The following GLB1 variants were observed in gnomAD, a reference collection of about 807,000 sequenced individuals.
The protein encoded by GLB1 is beta-galactosidase.
GLB1 carries 56 observed loss-of-function variants against 74.0 expected under a neutral mutation model. The ratio of observed to expected loss-of-function variants is 0.76; its 90% CI spans 0.61 to 0.94. The LOEUF is 0.94. Ranked by LOEUF, GLB1 falls within the 40% of genes least tolerant of loss-of-function variation. The probability of loss-of-function intolerance (pLI) is 0.00; values close to 1 mark genes in which losing one functional copy is unlikely to be tolerated. For synonymous variants in GLB1, 323 were observed against 323.6 expected, an observed-to-expected ratio of 1.00 and a Z score of 0.02; for missense variants, 787 against 845.5, an observed-to-expected ratio of 0.93 and a Z score of 0.86.
At chr3:33,034,199 C>T in intron 10 of GLB1, 2 of 637,284 alleles carry the variant, frequency 3.1e-6, no homozygotes, top group Non-Finnish European at 5.8e-6. Context: ...ATGCTAGGTC[C>T]CCCATGACTA....
chr3:32,971,398 G>A, the GLB1 span, among the ~76,000 whole-genome samples: 5 of 152,226 alleles, frequency 3.3e-5, no homozygotes, highest in Non-Finnish European at 1.5e-5. Flanking sequence ...TAATCAGCCA[G>A]TGCCCGAGCT....
intron 1 of GLB1, chr3:33,090,342 A>C: frequency 1.1e-6 from 1 of 952,130 alleles, no homozygotes; most frequent in Non-Finnish European, 1.3e-6. Flanking sequence ...ATGCTTGTTA[A>C]AGCTGGGAGA....
chr3:33,056,653 C>T (rs1263182070), intron 6 of GLB1, among the ~76,000 whole-genome samples: 1 of 151,968 alleles, frequency 6.6e-6, no homozygotes, highest in African/African-American at 2.4e-5. Context: ...TCTCCTATTC[C>T]CTTCACCTAG....
intron 9 of GLB1, among the ~76,000 whole-genome samples, chr3:33,046,818 T>G (rs999289355): frequency 8.5e-5 from 13 of 152,198 alleles, no homozygotes; most frequent in African/African-American, 3.1e-4. Context: ...AGACTGTCGA[T>G]GGGGCTGTGG....
At chr3:33,039,610 G>A (rs6800001) in intron 10 of GLB1, among the ~76,000 whole-genome samples, 47,295 of 152,030 alleles carry the variant, frequency 0.31, 8,444 homozygotes, top group Middle Eastern at 0.46. Context: ...CAATGGAAGC[G>A]CTTAGGAGAT....
At chr3:32,977,796 C>T in the GLB1 span, among the ~76,000 whole-genome samples, 1 of 152,186 alleles carries the variant, frequency 6.6e-6, no homozygotes, top group African/African-American at 2.4e-5. Flanking sequence ...TTGACAGCCT[C>T]TGCACTGACA....
chr3:33,034,767 C>G (rs537049591), intron 10 of GLB1: 1 of 654,236 alleles, frequency 1.5e-6, no homozygotes, highest in East Asian at 3.6e-5. Context: ...GGCCAGGGCT[C>G]TGTGTCAGCT....
At chr3:33,059,571 A>G (rs1163394969) in intron 5 of GLB1, among the ~76,000 whole-genome samples, 2 of 152,214 alleles carry the variant, frequency 1.3e-5, no homozygotes, top group Non-Finnish European at 2.9e-5. Flanking sequence ...ACCAAACTAT[A>G]AAGTCTGAGT....
At chr3:32,989,041 A>G in the GLB1 span, among the ~76,000 whole-genome samples, 4 of 152,218 alleles carry the variant, frequency 2.6e-5, no homozygotes, top group African/African-American at 9.6e-5. Flanking sequence ...CTGGTCCACT[A>G]CAAATAAACT....
rs565587558 is a variant in GLB1 at position 33,093,568 on chromosome 3, C to T, written c.75+3443G>A. The T allele has an allele frequency of 9.0e-5, 145 of 1,614,156 alleles. 2 individuals are homozygous for T. In the South Asian group the frequency reaches 1.5e-3, roughly 16 times the overall value. On this transcript the variant is annotated intron_variant, in intron 1 of 15. Coordinates refer to ENST00000307363, the MANE Select transcript of GLB1 (RefSeq NM_000404.4). This position sits in a 1 kb window ranked among gnomAD's most constrained non-coding sequence, Gnocchi z 6.0. ...CCCAAGTGAATGTCTGAGAGGAGCA[C>T]GATCTTGAGGTTGTTCATTGAGGCA...
chr3:33,065,270 G>A (rs1382060190), intron 5 of GLB1, among the ~76,000 whole-genome samples, 193 bp downstream of exon 5: 2 of 152,202 alleles, frequency 1.3e-5, no homozygotes, highest in African/African-American at 4.8e-5. Context: ...CCAGCACAAA[G>A]CCTGCCACAT....
Position 33,006,420 on chromosome 3 carries a change from C to G in GLB1, c.1734+7636G>C, listed in dbSNP as rs536778028. On this transcript the variant is annotated intron_variant, in intron 15 of 15. Coordinates refer to ENST00000307363, the MANE Select transcript of GLB1 (RefSeq NM_000404.4). ...AGTTTCATCCCAAAACCATTTCCAC[C>G]CCCCCACCCCTGACCACACAGTCCA... Among the ~76,000 whole-genome samples, 25 of 150,052 alleles carry G rather than the reference C, an allele frequency of 1.7e-4. No homozygotes were observed. The East Asian group carries it at 4.6e-3, about 28-fold the overall frequency.
chr3:33,041,101 G>T (rs1319661378), intron 10 of GLB1, among the ~76,000 whole-genome samples: 2 of 152,234 alleles, frequency 1.3e-5, no homozygotes, highest in East Asian at 1.9e-4. Flanking sequence ...AAGACATAAT[G>T]GCATAAACTT....
chr3:33,040,283 C>T (rs1575438459), intron 10 of GLB1, among the ~76,000 whole-genome samples: 2 of 152,110 alleles, frequency 1.3e-5, no homozygotes, highest in South Asian at 4.1e-4. Flanking sequence ...TAATTTAAGG[C>T]GTAATGTTCC....
the GLB1 span, among the ~76,000 whole-genome samples, chr3:32,969,091 C>T: frequency 1.1e-4 from 16 of 152,316 alleles, no homozygotes; most frequent in Non-Finnish European, 4.4e-5. Context: ...GACACATCGG[C>T]CCCTTGGAGA....
intron 15 of GLB1, among the ~76,000 whole-genome samples, chr3:33,007,700 T>C (rs1207294256): frequency 6.6e-6 from 1 of 152,222 alleles, no homozygotes; most frequent in Non-Finnish European, 1.5e-5. Flanking sequence ...TGAGTGGACA[T>C]ATGGATTAGA....
Position 33,093,956 on chromosome 3 carries a change from G to A in GLB1, c.75+3055C>T. ...CCACCACCTTCCAAAGCTGAAAACA[G>A]GTTGACTCTGCAGCTGGGGAGTGGC... On this transcript the variant is annotated intron_variant, in intron 1 of 15. Coordinates refer to ENST00000307363, the MANE Select transcript of GLB1 (RefSeq NM_000404.4). This position sits in a 1 kb window ranked among gnomAD's most constrained non-coding sequence, Gnocchi z 6.0. 1 of 1,614,198 alleles carries A rather than the reference G, an allele frequency of 6.2e-7. No individual in the cohort carries two copies. The highest frequency in any genetic ancestry group is 8.5e-7 in the Non-Finnish European group (1 of 1,180,030).
chr3:33,011,459 C>T (rs1422751493), intron 15 of GLB1, among the ~76,000 whole-genome samples: 3 of 141,882 alleles, frequency 2.1e-5, no homozygotes, highest in Admixed American at 7.0e-5. Flanking sequence ...AAAAAAAAAA[C>T]AAAAAATAAA....
At chr3:32,985,480 C>T in the GLB1 span, among the ~76,000 whole-genome samples, 5 of 151,794 alleles carry the variant, frequency 3.3e-5, no homozygotes, top group Non-Finnish European at 5.9e-5. Context: ...TTAGTAGAGA[C>T]AGGGTGTCAC....
Sources: gnomAD v4.1 joint callset for allele counts (sites outside exome capture counted in the v4.1 genomes callset) on GRCh38, gnomAD v4.1.1 for gene constraint, Gnocchi (gnomAD v3.1) non-coding constraint, MANE v1.5 for transcripts, NCBI Gene and HGNC (gene_info 2026-07-23, HGNC 2026-07-21) for gene names.